The following FMN2 variants were observed in gnomAD, a reference collection of about 807,000 sequenced individuals.
The protein encoded by FMN2 is formin-2.
FMN2 carries 51 observed loss-of-function variants against 142.3 expected under a neutral mutation model. The observed-to-expected ratio is 0.36, with a 90% CI of 0.29 to 0.45. The LOEUF (loss-of-function observed/expected upper bound fraction) is 0.45, where lower values mean the gene tolerates loss of function less well. Ranked by LOEUF, FMN2 falls within the 20% of genes least tolerant of loss-of-function variation. FMN2 has a pLI of 1.00. For synonymous variants in FMN2, 882 were observed against 869.8 expected, an observed-to-expected ratio of 1.01 and a Z score of -0.25; for missense variants, 1,936 against 2,122.8, an observed-to-expected ratio of 0.91 and a Z score of 1.73.
chr1:240,121,479 G>A (rs1571948686), intron 1 of FMN2, among the ~76,000 whole-genome samples: 1 of 151,194 alleles, frequency 6.6e-6, no homozygotes, highest in South Asian at 2.1e-4. Context: ...GGGTTCAAGT[G>A]ATTCTCTTGC....
chr1:240,411,585 A>AG (rs1431100316), intron 15 of FMN2, among the ~76,000 whole-genome samples: 3 of 150,848 alleles, frequency 2.0e-5, no homozygotes, highest in Non-Finnish European at 4.4e-5. Context: ...AAAAAAAAAA[A>AG]GTCTAACTAC....
rs183143585 is a variant in FMN2 at position 240,186,180 on chromosome 1, C to G, written c.1931-2027C>G. Among the ~76,000 whole-genome samples, 25 of 152,244 alleles carry G rather than the reference C, an allele frequency of 1.6e-4. No homozygotes were observed. The East Asian group carries it at 4.4e-3, about 27-fold the overall frequency. On this transcript the variant is annotated intron_variant, in intron 3 of 17. Coordinates refer to ENST00000319653, the MANE Select transcript of FMN2 (RefSeq NM_020066.5). ...CTGAGATTCAGAAAATAGCTAAAGGCAAGGCAATATCTATATTGTCTCTTG... is the reference window on the plus strand; with the variant it reads ...CTGAGATTCAGAAAATAGCTAAAGGGAAGGCAATATCTATATTGTCTCTTG...
intron 16 of FMN2, among the ~76,000 whole-genome samples, chr1:240,459,736 A>T (rs1328068797): frequency 9.0e-6 from 1 of 111,000 alleles, no homozygotes; most frequent in African/African-American, 3.9e-5. Context: ...AAAAAAAAAA[A>T]AAAAAAAAAA....
intron 6 of FMN2, among the ~76,000 whole-genome samples, chr1:240,231,508 G>T (rs68047116): frequency 0.3 from 45,227 of 150,230 alleles, 7,741 homozygotes; most frequent in African/African-American, 0.44. Context: ...TATACCATCG[G>T]CTAAATTAGA....
chr1:240,410,133 C>A (rs1286722956), intron 15 of FMN2, among the ~76,000 whole-genome samples: 2 of 148,700 alleles, frequency 1.3e-5, no homozygotes, highest in East Asian at 2.0e-4. Context: ...ATGAAATATA[C>A]TGTCTCCCAG....
chr1:240,427,521 T>C (rs1296577728), intron 15 of FMN2, among the ~76,000 whole-genome samples: 1 of 152,174 alleles, frequency 6.6e-6, no homozygotes, highest in Admixed American at 6.5e-5. Context: ...GATTTTATTT[T>C]GGTTACAGTT....
At chr1:240,389,222 G>T (rs936903302) in intron 14 of FMN2, among the ~76,000 whole-genome samples, 12 of 152,160 alleles carry the variant, frequency 7.9e-5, no homozygotes, top group Non-Finnish European at 1.8e-4. Context: ...GCTACTAAAA[G>T]TTACACTGGC....
intron 8 of FMN2, among the ~76,000 whole-genome samples, chr1:240,320,745 T>G (rs1187737408): frequency 1.3e-5 from 2 of 152,184 alleles, no homozygotes; most frequent in Non-Finnish European, 2.9e-5. Flanking sequence ...GTCTGCTCCG[T>G]GGATGCCCAG....
chr1:240,303,135 C>T (rs1670261665), intron 8 of FMN2, among the ~76,000 whole-genome samples: 1 of 152,050 alleles, frequency 6.6e-6, no homozygotes, highest in Non-Finnish European at 1.5e-5. Context: ...AGGCTGCGCT[C>T]TCCTGCCTCA....
intron 4 of FMN2, among the ~76,000 whole-genome samples, chr1:240,196,948 T>C (rs1303589505): frequency 1.3e-5 from 2 of 152,138 alleles, no homozygotes; most frequent in African/African-American, 4.8e-5. Context: ...ATACATTTGG[T>C]CTTAATTGCC....
At chr1:240,326,479 T>C (rs961121504) in intron 8 of FMN2, among the ~76,000 whole-genome samples, 4 of 150,644 alleles carry the variant, frequency 2.7e-5, no homozygotes, top group Non-Finnish European at 5.9e-5. Context: ...TTCTCTTGTA[T>C]CTTTAATTAT....
At chr1:240,275,033 A>G (rs1267041979) in intron 7 of FMN2, among the ~76,000 whole-genome samples, 2 of 151,458 alleles carry the variant, frequency 1.3e-5, no homozygotes, top group African/African-American at 2.4e-5. Context: ...GTATACCTAT[A>G]GCTGGTAGGG....
At chr1:240,250,861 A>T (rs1668253487) in intron 6 of FMN2, among the ~76,000 whole-genome samples, 1 of 152,060 alleles carries the variant, frequency 6.6e-6, no homozygotes, top group African/African-American at 2.4e-5. Flanking sequence ...TAGATTTTCC[A>T]GTATATTATT....
chr1:240,465,962 CAAT>C lies in FMN2; in HGVS notation c.5061-6407_5061-6405del, dbSNP rs1676607866. Among the ~76,000 whole-genome samples the C allele has an allele frequency of 3.3e-5, 5 of 152,186 alleles. No individual in the cohort carries two copies. In the South Asian group the frequency reaches 1.0e-3, roughly 32 times the overall value. On this transcript the variant is annotated intron_variant, in intron 16 of 17. Transcript: ENST00000319653. ...TGAACTTTTGTATATGTTTGCCTGA[CAAT>C]AAATGGGTCTGGGGTTACGTAGGGA...
intron 1 of FMN2, among the ~76,000 whole-genome samples, chr1:240,105,136 TCTC>T (rs1421801533): frequency 7.5e-6 from 1 of 132,530 alleles, no homozygotes; most frequent in East Asian, 2.2e-4. Flanking sequence ...TGAGACCGAG[TCTC>T]ACTCTGTCGC....
rs184860558 is a variant in FMN2, at chr1:240,192,247, T to C, written c.1986+3985T>C. On this transcript the variant is annotated intron_variant, in intron 4 of 17. Transcript: ENST00000319653. ...TTTAGGAACAAGTCAAGGAAACAGA[T>C]GGAGTAATGTGGAGTAGCCTTGTGG... Among the ~76,000 whole-genome samples the C allele has an allele frequency of 1.8e-3, 278 of 152,278 alleles. 1 individual carries two copies. Among genetic ancestry groups the C allele is most frequent in the Non-Finnish European group, 3.1e-3 (212 of 68,006 alleles).
At chr1:240,388,437 G>C (rs535876370) in intron 14 of FMN2, among the ~76,000 whole-genome samples, 1 of 152,192 alleles carries the variant, frequency 6.6e-6, no homozygotes, top group East Asian at 1.9e-4. Context: ...ACTGGACCTT[G>C]TGGGATCTGA....
At chr1:240,104,509 A>C (rs977368845) in intron 1 of FMN2, among the ~76,000 whole-genome samples, 1 of 151,972 alleles carries the variant, frequency 6.6e-6, no homozygotes, top group African/African-American at 2.4e-5. Flanking sequence ...CTGCATTTTC[A>C]CTTCCCATTC....
At chr1:240,214,226 C>T (rs895956069) in intron 6 of FMN2, among the ~76,000 whole-genome samples, 4 of 151,946 alleles carry the variant, frequency 2.6e-5, no homozygotes, top group Admixed American at 1.3e-4. Flanking sequence ...GATGTAGAAC[C>T]CCGTCTCTTA....
Sources: allele counts gnomAD v4.1 joint callset (sites outside exome capture counted in the v4.1 genomes callset), GRCh38; gene constraint gnomAD v4.1.1; transcripts MANE v1.5; gene names NCBI Gene and HGNC (gene_info 2026-07-23, HGNC 2026-07-21).